Variants in THSD7B observed in about 807,000 individuals in gnomAD.
THSD7B encodes thrombospondin type 1 domain containing 7B, also known as thrombospondin type-1 domain-containing protein 7B.
THSD7B carries 138 observed loss-of-function variants against 213.6 expected under a neutral mutation model. The observed-to-expected ratio is 0.65, with a 90% CI of 0.56 to 0.74. The LOEUF (loss-of-function observed/expected upper bound fraction) is 0.74. THSD7B is among the 30% of genes least tolerant of loss of function. The pLI, the probability that THSD7B is intolerant of heterozygous loss-of-function variation, is 0.00. For missense variants in THSD7B, 1,931 were observed against 1,991.5 expected (o/e 0.97, Z 0.58); for synonymous variants, 742 against 687.0 (o/e 1.08, Z -1.25).
chr2:137,671,620 T>G (rs1055368361), intron 27 of THSD7B, among the ~76,000 whole-genome samples: 1 of 152,106 alleles, frequency 6.6e-6, no homozygotes, highest in African/African-American at 2.4e-5. Context: ...CCATCACATC[T>G]TTTGACAACT....
At chr2:137,146,716 T>C (rs529704247) in intron 5 of THSD7B, among the ~76,000 whole-genome samples, 4 of 152,184 alleles carry the variant, frequency 2.6e-5, no homozygotes, top group South Asian at 2.1e-4. Flanking sequence ...AATACACATA[T>C]AGCACATATG....
chr2:137,676,531 C>T lies in THSD7B; in HGVS notation c.4747C>T (p.Pro1583Ser). 2 of 1,594,980 alleles carry T rather than the reference C, an allele frequency of 1.3e-6. No individual in the cohort carries two copies. Among genetic ancestry groups the T allele is most frequent in the South Asian group, 1.1e-5 (1 of 87,186 alleles). The change falls in exon 28 of 28, where the codon CCA (proline) becomes TCA (serine). Residue 1583 changes from proline to serine, a missense_variant. Transcript: ENST00000409968. ...ATTTTTTTCCCTTTGCAGCAAGAAG[C>T]CAAAACCACATCAAAGCACACCTCC... ...IFTSYLVCKK[P>S]KPHQSTPPQQ... is the part of the protein sequence containing the mutation.
chr2:137,134,719 C>T (rs1688801253), intron 5 of THSD7B, among the ~76,000 whole-genome samples: 1 of 152,162 alleles, frequency 6.6e-6, no homozygotes, highest in South Asian at 2.1e-4. Flanking sequence ...TTATTCTGGG[C>T]TGCAATTTAT....
At chr2:136,767,692 C>G (rs1311709532) in intron 1 of THSD7B, among the ~76,000 whole-genome samples, 3 of 152,168 alleles carry the variant, frequency 2.0e-5, no homozygotes, top group Admixed American at 6.5e-5. Context: ...ACAGACAGAT[C>G]CAGCAGCCCT....
chr2:136,873,732 G>A (rs933196635), intron 1 of THSD7B, among the ~76,000 whole-genome samples: 2 of 152,168 alleles, frequency 1.3e-5, no homozygotes, highest in Non-Finnish European at 2.9e-5. Context: ...TTAGTGAGCT[G>A]TCAGTGTACA....
At chr2:136,767,628 T>A (rs1251789149) in intron 1 of THSD7B, among the ~76,000 whole-genome samples, 1 of 152,118 alleles carries the variant, frequency 6.6e-6, no homozygotes, top group Non-Finnish European at 1.5e-5. Flanking sequence ...TCTGAAAAAA[T>A]TGTAGGTGTC....
chr2:136,881,806 A>G (rs1683627215), intron 1 of THSD7B, among the ~76,000 whole-genome samples: 1 of 152,092 alleles, frequency 6.6e-6, no homozygotes, highest in Admixed American at 6.6e-5. Flanking sequence ...ACTACTTTGG[A>G]TCCTGTGAGA....
chr2:136,966,947 TC>T (rs1377346082), intron 2 of THSD7B, among the ~76,000 whole-genome samples: 1 of 152,108 alleles, frequency 6.6e-6, no homozygotes, highest in Non-Finnish European at 1.5e-5. Flanking sequence ...CCTACTAAAC[TC>T]TGTATCATTT....
At chr2:137,404,458 T>TAC (rs1686452537) in intron 12 of THSD7B, among the ~76,000 whole-genome samples, 1 of 108,448 alleles carries the variant, frequency 9.2e-6, no homozygotes, top group Non-Finnish European at 1.8e-5. Flanking sequence ...TATATATATA[T>TAC]ATATATATAT....
intron 2 of THSD7B, among the ~76,000 whole-genome samples, chr2:136,909,453 A>G (rs887798120): frequency 2.0e-5 from 3 of 152,324 alleles, no homozygotes; most frequent in Middle Eastern, 6.8e-3. Flanking sequence ...TTTGAAGGCA[A>G]GGCCATTTCT....
chr2:137,189,556 A>G (rs1051658286), intron 7 of THSD7B, among the ~76,000 whole-genome samples: 16 of 138,098 alleles, frequency 1.2e-4, no homozygotes, highest in African/African-American at 3.7e-4. Context: ...CCTCCCCATG[A>G]CCTATGCCCT....
chr2:137,600,682 G>A (rs1682059997), intron 17 of THSD7B, among the ~76,000 whole-genome samples: 2 of 152,218 alleles, frequency 1.3e-5, no homozygotes, highest in African/African-American at 4.8e-5. Context: ...AGGTTGCAGT[G>A]AGCTGAGATC....
intron 14 of THSD7B, among the ~76,000 whole-genome samples, chr2:137,447,553 T>C (rs993558667): frequency 5.9e-5 from 9 of 152,150 alleles, no homozygotes; most frequent in African/African-American, 1.4e-4. Flanking sequence ...GTGTATCTAA[T>C]AGTGAATTAG....
chr2:136,913,857 G>A (rs1684307865), intron 2 of THSD7B, among the ~76,000 whole-genome samples: 1 of 152,238 alleles, frequency 6.6e-6, no homozygotes, highest in Admixed American at 6.5e-5. Context: ...CTAGGGCAGT[G>A]CAGAAGGGAA....
rs187805165 is a variant in THSD7B, at chr2:137,395,139, T to C, written c.2501-10474T>C. Among the ~76,000 whole-genome samples, 170 of 144,642 alleles carry C rather than the reference T, an allele frequency of 1.2e-3. 5 individuals are homozygous for C. The highest frequency in any genetic ancestry group is 4.0e-3 in the African/African-American group (156 of 39,140). The allele number at this position is 144,642 out of a possible 152,430, so 94.9% of individuals were successfully genotyped here. A position where few individuals can be genotyped will look rare whatever the true frequency, so the allele number is the denominator to read the frequency against. On this transcript the variant is annotated intron_variant, in intron 12 of 27. Transcript: ENST00000409968. ...ACAATTTGATTTCCTCTTCTCCTAA[T>C]TGAATACCCTTTATTTCCTTCTCCT...
chr2:137,232,036 G>A (rs910704474), intron 8 of THSD7B, among the ~76,000 whole-genome samples: 3 of 152,066 alleles, frequency 2.0e-5, no homozygotes, highest in African/African-American at 7.2e-5. Context: ...AAGTGAAGAT[G>A]GTTCCTTCTC....
intron 20 of THSD7B, among the ~76,000 whole-genome samples, chr2:137,632,834 G>T (rs1394352853): frequency 1.3e-5 from 2 of 152,132 alleles, no homozygotes; most frequent in African/African-American, 4.8e-5. Flanking sequence ...GCAGAGATGT[G>T]ATCCTGGCTT....
At chr2:137,487,104 C>T (rs1281138094) in intron 15 of THSD7B, among the ~76,000 whole-genome samples, 3 of 150,324 alleles carry the variant, frequency 2.0e-5, no homozygotes, top group East Asian at 3.9e-4. Flanking sequence ...CGCGGTGGCT[C>T]ACGCCTGTAA....
chr2:137,405,562 GCTGA>G, intron 12 of THSD7B, 47 bp from the exon 13 acceptor site: 1 of 1,511,220 alleles, frequency 6.6e-7, no homozygotes, highest in South Asian at 1.3e-5. Context: ...AGAACCAGCA[GCTGA>G]CTGATTTAAT....
Sources: allele counts gnomAD v4.1 joint callset (sites outside exome capture counted in the v4.1 genomes callset), GRCh38; gene constraint gnomAD v4.1.1; transcripts MANE v1.5; gene names NCBI Gene and HGNC (gene_info 2026-07-23, HGNC 2026-07-21).